MTR: variants seen among roughly 807,000 people sequenced by gnomAD.
The protein encoded by MTR is methionine synthase.
MTR carries 84 observed loss-of-function variants against 154.8 expected under a neutral mutation model. The observed-to-expected ratio is 0.54, with a 90% confidence interval of 0.45 to 0.65. The LOEUF (loss-of-function observed/expected upper bound fraction) is 0.65. Ranked by LOEUF, MTR falls within the 30% of genes least tolerant of loss-of-function variation. The pLI, the probability that MTR is intolerant of heterozygous loss-of-function variation, is 0.00. For missense variants in MTR, 1,275 were observed against 1,570.2 expected, an observed-to-expected ratio of 0.81 and a Z score of 3.18; for synonymous variants, 554 against 553.9, an observed-to-expected ratio of 1.00 and a Z score of 0.00.
rs189852353 is a variant in MTR, at chr1:236,868,620, A to G, written c.2405+5066A>G. Among the ~76,000 whole-genome samples the G allele has an allele frequency of 1.6e-4, 24 of 152,364 alleles. No individual in the cohort carries two copies. In the East Asian group the frequency reaches 4.0e-3, roughly 26 times the overall value. ...CAAAAGAGGACATTTTCCATTACAG[A>G]TAATGCACAGTGTTTAATTATGTAA... On this transcript the variant is annotated intron_variant, in intron 22 of 32. Transcript: ENST00000366577.
chr1:236,832,970 G>C (rs1662702341), intron 13 of MTR, among the ~76,000 whole-genome samples: 1 of 152,166 alleles, frequency 6.6e-6, no homozygotes. Context: ...CTGCTGTCCA[G>C]TGCTCCTGTA....
intron 11 of MTR, among the ~76,000 whole-genome samples, 177 bp downstream of exon 11, chr1:236,827,073 G>A (rs148757407): frequency 5.9e-5 from 9 of 152,264 alleles, no homozygotes; most frequent in Non-Finnish European, 1.2e-4. Context: ...TTAAAGAGGC[G>A]ACTAAGGTAA....
chr1:236,843,097 A>AG (rs1245062991), intron 15 of MTR, among the ~76,000 whole-genome samples: 1 of 151,784 alleles, frequency 6.6e-6, no homozygotes, highest in Non-Finnish European at 1.5e-5. Flanking sequence ...AAAAAAAAAA[A>AG]AAAAAAAGTG....
chr1:236,881,264 T>C (rs1665718031), intron 25 of MTR, among the ~76,000 whole-genome samples: 1 of 152,190 alleles, frequency 6.6e-6, no homozygotes, highest in South Asian at 2.1e-4. Context: ...CTGCTAGATA[T>C]TTAAAACCCA....
intron 19 of MTR, 131 bp from the exon 20 acceptor site, chr1:236,860,994 C>T: frequency 1.4e-6 from 1 of 735,990 alleles, no homozygotes; most frequent in Non-Finnish European, 2.2e-6. Flanking sequence ...AGATTGAGTC[C>T]ATGCACTCTG....
chr1:236,831,862 A>T, intron 12 of MTR, 104 bp from the exon 13 acceptor site: 1 of 817,942 alleles, frequency 1.2e-6, no homozygotes. Flanking sequence ...CAGATGGGCT[A>T]TGGTGCAGGA....
intron 1 of MTR, among the ~76,000 whole-genome samples, chr1:236,798,414 T>C (rs1274143987): frequency 6.6e-6 from 1 of 152,248 alleles, no homozygotes; most frequent in Non-Finnish European, 1.5e-5. Flanking sequence ...TAACCACTTA[T>C]ACCTATGTTT....
chr1:236,819,092 G>A (rs1294956148), intron 8 of MTR, among the ~76,000 whole-genome samples: 2 of 152,068 alleles, frequency 1.3e-5, no homozygotes, highest in African/African-American at 4.8e-5. Flanking sequence ...ATTACAATAT[G>A]AACCAATATC....
intron 14 of MTR, among the ~76,000 whole-genome samples, chr1:236,837,732 T>TTAAAAATA (rs1363710904): frequency 6.6e-6 from 1 of 152,168 alleles, no homozygotes. Flanking sequence ...GACCCTGTCT[T>TTAAAAATA]TAAAAATATA....
rs1558264908 is a variant in MTR, at chr1:236,795,693, G to C, written c.-11G>C. The C allele has an allele frequency of 1.9e-6, 3 of 1,614,104 alleles. No homozygotes were observed. On this transcript the variant is annotated 5_prime_UTR_variant, in exon 1 of 33. Coordinates refer to ENST00000366577, the MANE Select transcript of MTR (RefSeq NM_000254.3). ...TGCCGCGCCCTCTGCGCAAGGAGGA[G>C]ACTCGACAACATGTCACCCGCGCTC...
intron 12 of MTR, among the ~76,000 whole-genome samples, 187 bp downstream of exon 12, chr1:236,829,455 G>T (rs923587695): frequency 6.6e-6 from 1 of 152,152 alleles, no homozygotes; most frequent in Non-Finnish European, 1.5e-5. Flanking sequence ...GCAAGATGAC[G>T]TCAACTTTAG....
chr1:236,830,157 A>G (rs1399261643), intron 12 of MTR, among the ~76,000 whole-genome samples: 1 of 152,190 alleles, frequency 6.6e-6, no homozygotes, highest in East Asian at 1.9e-4. Context: ...GGGTTAACAC[A>G]TACGAACTAT....
At chr1:236,805,749 T>G (rs1660945194) in intron 2 of MTR, among the ~76,000 whole-genome samples, 1 of 152,152 alleles carries the variant, frequency 6.6e-6, no homozygotes, top group Non-Finnish European at 1.5e-5. Context: ...CCTCTCACCT[T>G]GGCTTCCCAA....
In MTR at chr1:236,880,162, A is replaced by G. The variant is rs553238040; in HGVS notation, c.2595-593A>G. 5.3e-5 allele frequency among the ~76,000 whole-genome samples: 8 copies of G among 152,316 alleles called. No homozygotes were observed. In the South Asian group the frequency reaches 1.5e-3, roughly 28 times the overall value. On this transcript the variant is annotated intron_variant, in intron 24 of 32. Transcript: ENST00000366577. ...GGTGACAGAGCTCCGTCTCAAAAAA[A>G]TAAAATGAAATAAAATAAAAATATT...
chr1:236,835,260 G>T (rs1432999937), intron 13 of MTR, among the ~76,000 whole-genome samples: 1 of 152,134 alleles, frequency 6.6e-6, no homozygotes, highest in African/African-American at 2.4e-5. Flanking sequence ...TAAGAAGATG[G>T]GGCCAGCTCA....
At chr1:236,889,052 A>G (rs1666174352) in intron 27 of MTR, 129 bp from the exon 28 acceptor site, 1 of 1,142,058 alleles carries the variant, frequency 8.8e-7, no homozygotes, top group Non-Finnish European at 1.3e-6. Flanking sequence ...CTCTTTGTAA[A>G]ACAACTCCTA....
rs60815810 is a variant in MTR at position 236,868,586 on chromosome 1, AG to A, written c.2405+5034del. ...TTACATATACTCTGTAATAGTAACT[AG>A]GAAAAGACAAAAGAGGACATTTTCC... On this transcript the variant is annotated intron_variant, in intron 22 of 32. Coordinates refer to ENST00000366577, the MANE Select transcript of MTR (RefSeq NM_000254.3). Among the ~76,000 whole-genome samples the A allele has an allele frequency of 9.8e-4, 150 of 152,350 alleles. 1 individual carries two copies. Among genetic ancestry groups the A allele is most frequent in the African/African-American group, 3.5e-3 (147 of 41,582 alleles).
chr1:236,806,309 C>T (rs1056853713), intron 3 of MTR, 76 bp downstream of exon 3: 4 of 1,173,948 alleles, frequency 3.4e-6, no homozygotes, highest in Non-Finnish European at 5.1e-6. Context: ...GTGAGTAAAG[C>T]ACTGGAAGCT....
intron 29 of MTR, 50 bp from the exon 30 acceptor site, chr1:236,894,307 C>T (rs1666497182): frequency 6.3e-7 from 1 of 1,577,868 alleles, no homozygotes; most frequent in Non-Finnish European, 8.7e-7. Context: ...GCTGGCGCCA[C>T]GTTCTTGCTA....
Sources: gnomAD v4.1 joint callset for allele counts (sites outside exome capture counted in the v4.1 genomes callset) on GRCh38, gnomAD v4.1.1 for gene constraint, MANE v1.5 for transcripts, NCBI Gene and HGNC (gene_info 2026-07-23, HGNC 2026-07-21) for gene names.